The following ZNF577 variants were observed in gnomAD, a reference collection of about 807,000 sequenced individuals.
The protein encoded by ZNF577 is zinc finger protein 577.
ZNF577 carries 14 observed loss-of-function variants against 13.9 expected under a neutral mutation model. That is an observed-to-expected ratio of 1.00 (90% CI 0.66 to 1.57). The LOEUF (loss-of-function observed/expected upper bound fraction) is 1.57, where lower values mean the gene tolerates loss of function less well. ZNF577 is among the 40% of genes most tolerant of loss of function. The pLI, the probability that ZNF577 is intolerant of heterozygous loss-of-function variation, is 0.00. For synonymous variants in ZNF577, 203 were observed against 202.9 expected, an observed-to-expected ratio of 1.00 and a Z score of 0.00; for missense variants, 555 against 579.2, an observed-to-expected ratio of 0.96 and a Z score of 0.43.
At chr19:51,828,548 T>C (rs2084243582) in intron 9 of ZNF577, among the ~76,000 whole-genome samples, 1 of 152,212 alleles carries the variant, frequency 6.6e-6, no homozygotes, top group South Asian at 2.1e-4. Context: ...CAGTGCCTGC[T>C]ACATCCTCTC....
At chr19:51,835,618 A>C (rs2084283854) in intron 9 of ZNF577, among the ~76,000 whole-genome samples, 2 of 152,138 alleles carry the variant, frequency 1.3e-5, no homozygotes. Context: ...AGTTAAAATT[A>C]ATATTAATAA....
At chr19:51,857,430 A>AAAGAAAGAAAGAAAG (rs1568442307) in intron 5 of ZNF577, among the ~76,000 whole-genome samples, 3 of 141,300 alleles carry the variant, frequency 2.1e-5, no homozygotes, top group African/African-American at 7.9e-5. Flanking sequence ...AAGAAAGAAA[A>AAAGAAAGAAAGAAAG]GAAAAAACAA....
At chr19:51,809,488 C>T (rs779601681) in intron 10 of ZNF577, among the ~76,000 whole-genome samples, 4 of 152,162 alleles carry the variant, frequency 2.6e-5, no homozygotes, top group Non-Finnish European at 4.4e-5. Flanking sequence ...GTTGTGCTCC[C>T]AACCTCTTTA....
At chr19:51,823,596 T>G in intron 9 of ZNF577, 2 of 643,374 alleles carry the variant, frequency 3.1e-6, no homozygotes, top group East Asian at 2.8e-5. Context: ...TCCGAGAGAG[T>G]GCCAATTTTA....
chr19:51,858,724 A>G (rs2084464589), intron 5 of ZNF577, among the ~76,000 whole-genome samples: 1 of 152,202 alleles, frequency 6.6e-6, no homozygotes, highest in Admixed American at 6.5e-5. Flanking sequence ...AATAACTAGA[A>G]TACCCACTAG....
chr19:51,862,458 T>C (rs193230809), downstream of ZNF577: 349 of 157,428 alleles, frequency 2.2e-3, 1 homozygote, highest in African/African-American at 7.8e-3. Flanking sequence ...TCAAGAAGGC[T>C]TTCTCATAAT....
chr19:51,823,559 T>C (rs2084206318), intron 9 of ZNF577, among the ~76,000 whole-genome samples: 1 of 152,190 alleles, frequency 6.6e-6, no homozygotes, highest in South Asian at 2.1e-4. Context: ...GATGGGAATA[T>C]AGAGAACTAT....
At chr19:51,864,765 T>C (rs2084541052), downstream of ZNF577, among the ~76,000 whole-genome samples, 1 of 152,134 alleles carries the variant, frequency 6.6e-6, no homozygotes, top group Non-Finnish European at 1.5e-5. Context: ...CTGTGAGTCA[T>C]CAACATATAA....
chr19:51,824,984 G>A lies in ZNF577; in HGVS notation c.*600-13310C>T. 3.3e-6 allele frequency: 2 copies of A among 602,080 alleles called. No individual in the cohort carries two copies. Among genetic ancestry groups the A allele is most frequent in the South Asian group, 2.2e-5 (1 of 45,440 alleles). 37.3% of individuals were successfully genotyped at this position (602,080 alleles called of 1,614,324 possible). On this transcript the variant is annotated intron_variant and NMD_transcript_variant, in intron 9 of 10. Transcript: ENST00000638827. The surrounding 1 kb of genome is among the most constrained non-coding windows in gnomAD (Gnocchi z 4.7). ...TCCCACAACCAAGCAATAGACACCA[G>A]CTGGGTGTCCTACAATTAAATTCCA...
rs534385123 is a variant in ZNF577, at chr19:51,810,307, T to C, written c.*817+1150A>G. Among the ~76,000 whole-genome samples, 8 of 152,348 alleles carry C rather than the reference T, an allele frequency of 5.3e-5. No homozygotes were observed. In the South Asian group the frequency reaches 1.7e-3, roughly 32 times the overall value. The stretch of plus-strand genomic sequence containing the variant: ...CCAGTGCATGTTTACAATCCGCGTT[T>C]GCATCCTCAAAAGCTAGAGTTAAGG... On this transcript the variant is annotated intron_variant and NMD_transcript_variant, in intron 10 of 10. Transcript: ENST00000638827.
chr19:51,837,292 T>C (rs2084293233), intron 9 of ZNF577, among the ~76,000 whole-genome samples: 1 of 152,124 alleles, frequency 6.6e-6, no homozygotes, highest in South Asian at 2.1e-4. Flanking sequence ...TAGTTCTTAT[T>C]GGTTAACACA....
chr19:51,876,238 T>C (rs1373800635), intron 5 of ZNF577, among the ~76,000 whole-genome samples: 2 of 152,186 alleles, frequency 1.3e-5, no homozygotes, highest in Non-Finnish European at 2.9e-5. Flanking sequence ...TACTACATGA[T>C]GGTAGAAACA....
At chr19:51,846,018 A>ATT (rs373565584) in intron 5 of ZNF577, among the ~76,000 whole-genome samples, 5 of 143,880 alleles carry the variant, frequency 3.5e-5, no homozygotes, top group African/African-American at 7.6e-5. Context: ...TGGTGGTTCT[A>ATT]TTTTTTTTTT....
chr19:51,824,816 G>A lies in ZNF577; in HGVS notation c.*600-13142C>T. The A allele has an allele frequency of 6.3e-7, 1 of 1,597,544 alleles. No homozygotes were observed. The highest frequency in any genetic ancestry group is 8.5e-7 in the Non-Finnish European group (1 of 1,170,940). ...CGGAGTTACAAGCAATGTGAGGTCG[G>A]GGATATTTTTGGGCTCTGTCTCTTT... is the stretch of plus-strand genomic sequence containing the variant. On this transcript the variant is annotated intron_variant and NMD_transcript_variant, in intron 9 of 10. Coordinates refer to the ZNF577 transcript ENST00000638827. This position sits in a 1 kb window ranked among gnomAD's most constrained non-coding sequence, Gnocchi z 4.7.
At chr19:51,875,826 T>C (rs188116174) in intron 5 of ZNF577, among the ~76,000 whole-genome samples, 78 of 152,230 alleles carry the variant, frequency 5.1e-4, no homozygotes, top group Middle Eastern at 3.4e-3. Flanking sequence ...CGTGCAGCAA[T>C]GGAGGCGATA....
rs8100840 is a variant in ZNF577, at chr19:51,867,259, A to T, written c.*5273T>A. On this transcript the variant is annotated 3_prime_UTR_variant, in exon 6 of 6. Transcript: ENST00000638348. ...AAGTCATTGGAAAGAAAGGCAAAAG[A>T]AAGAAGCAAAACCTCACCGGGGCTT... is the stretch of plus-strand genomic sequence containing the variant. Among the ~76,000 whole-genome samples the T allele has an allele frequency of 0.47, 70,806 of 152,058 alleles. 17,720 individuals carry two copies. The highest frequency in any genetic ancestry group is 0.65 in the African/African-American group (26,847 of 41,472).
At chr19:51,885,410 A>G (rs2084928534) in intron 1 of ZNF577, among the ~76,000 whole-genome samples, 1 of 152,176 alleles carries the variant, frequency 6.6e-6, no homozygotes, top group African/African-American at 2.4e-5. Flanking sequence ...TCAGTTACTG[A>G]GAGAAGTATG....
chr19:51,822,881 G>A (rs1265600387), intron 9 of ZNF577, among the ~76,000 whole-genome samples: 2 of 151,882 alleles, frequency 1.3e-5, no homozygotes, highest in East Asian at 3.9e-4. Context: ...TTTTGTGGGG[G>A]GAAATGGAAT....
intron 4 of ZNF577, chr19:51,878,174 T>C (rs536127663): frequency 6.2e-6 from 2 of 321,946 alleles, no homozygotes; most frequent in Non-Finnish European, 1.1e-5. Flanking sequence ...GAAGGTAGTG[T>C]TGGTGGCTGC....
Sources: gnomAD v4.1 joint callset for allele counts (sites outside exome capture counted in the v4.1 genomes callset) on GRCh38, gnomAD v4.1.1 for gene constraint, Gnocchi (gnomAD v3.1) non-coding constraint, MANE v1.5 for transcripts, NCBI Gene and HGNC (gene_info 2026-07-23, HGNC 2026-07-21) for gene names.